PARP4: variants seen among roughly 807,000 people sequenced by gnomAD.
PARP4 encodes the protein poly(ADP-ribose) polymerase family member 4.
A neutral mutation model predicts 187.7 loss-of-function variants in PARP4; 120 were observed. The observed-to-expected ratio is 0.64, with a 90% CI of 0.55 to 0.74. PARP4 has a LOEUF of 0.74. PARP4 is among the 30% of genes least tolerant of loss of function. PARP4 has a pLI of 0.00. For missense variants in PARP4, 1,836 were observed against 2,070.5 expected (o/e 0.89, Z 2.20); for synonymous variants, 654 against 740.9 (o/e 0.88, Z 1.90).
rs182788121 is a variant in PARP4 at position 24,504,720 on chromosome 13, A to G, written c.-1-943T>C. Among the ~76,000 whole-genome samples the G allele has an allele frequency of 3.2e-3, 481 of 151,644 alleles. 1 individual carries two copies. Among genetic ancestry groups the G allele is most frequent in the African/African-American group, 0.011 (467 of 41,316 alleles). On this transcript the variant is annotated intron_variant, in intron 1 of 33. Transcript: ENST00000381989. Reference sequence around the variant, plus strand: ...TTTGTAAAATTTTTTTTTTGAGACAATCTTGCTCTGTCACCCACGCTGGAG... The same window carrying G: ...TTTGTAAAATTTTTTTTTTGAGACAGTCTTGCTCTGTCACCCACGCTGGAG...
At chr13:24,465,052 G>A (rs942612045) in intron 17 of PARP4, among the ~76,000 whole-genome samples, 2 of 152,090 alleles carry the variant, frequency 1.3e-5, no homozygotes, top group African/African-American at 4.8e-5. Context: ...AAACATCACC[G>A]ATCATTAGAG....
intron 22 of PARP4, among the ~76,000 whole-genome samples, chr13:24,453,992 G>C (rs948278961): frequency 6.6e-6 from 1 of 151,690 alleles, no homozygotes; most frequent in African/African-American, 2.4e-5. Flanking sequence ...GGTGAGCACT[G>C]TAATCTCAGC....
chr13:24,498,267 G>T, intron 5 of PARP4, 38 bp from the exon 6 acceptor site: 1 of 1,280,306 alleles, frequency 7.8e-7, no homozygotes, highest in Non-Finnish European at 1.1e-6. Flanking sequence ...CTGCACTCGG[G>T]AAACATCAAA....
intron 1 of PARP4, among the ~76,000 whole-genome samples, chr13:24,507,181 C>G (rs999929303): frequency 2.0e-5 from 3 of 152,240 alleles, no homozygotes; most frequent in East Asian, 1.9e-4. Context: ...TTCCGTCCTG[C>G]GCCTGCAAGC....
chr13:24,503,996 C>G (rs1422867061), intron 1 of PARP4, among the ~76,000 whole-genome samples: 1 of 152,156 alleles, frequency 6.6e-6, no homozygotes, highest in Non-Finnish European at 1.5e-5. Flanking sequence ...TGATATTACA[C>G]CACCAAAAAT....
intron 17 of PARP4, among the ~76,000 whole-genome samples, chr13:24,464,744 T>C (rs1191756666): frequency 6.6e-6 from 1 of 152,030 alleles, no homozygotes; most frequent in Non-Finnish European, 1.5e-5. Flanking sequence ...CAGTCAAAGA[T>C]TTTATGAGGA....
At chr13:24,466,796 CAAAAA>C (rs34197201) in intron 17 of PARP4, among the ~76,000 whole-genome samples, 1 of 90,852 alleles carries the variant, frequency 1.1e-5, no homozygotes. Context: ...GACTCTGTCT[CAAAAA>C]AAAAAAAAAA....
In PARP4 at chr13:24,459,105, G is replaced by GACAT. The variant is rs758433311; in HGVS notation, c.2359_2362dup (p.Ser788TyrfsTer4). 5 of 1,608,564 alleles carry GACAT rather than the reference G, an allele frequency of 3.1e-6. No homozygotes were observed. Among genetic ancestry groups the GACAT allele is most frequent in the Non-Finnish European group, 2.6e-6 (3 of 1,176,284 alleles). On this transcript the variant is annotated frameshift_variant, in exon 20 of 34. Coordinates refer to ENST00000381989, the MANE Select transcript of PARP4 (RefSeq NM_006437.4). LOFTEE classifies it high-confidence loss of function. ...TTCAATCACATACGGCATCTCAATA[G>GACAT]ACATAGTCAAAGAGAAGCTAGCAAA...
chr13:24,434,596 G>C lies in PARP4; in HGVS notation c.4545C>G (p.Val1515=). The change falls in exon 31 of 34, where the codon GTC becomes GTG. Residue 1515 remains valine, a synonymous_variant. Transcript: ENST00000381989. ...CTGTGTCAGAACTTTGAAAAGCAAA[G>C]ACAGGACATCGACTTCCTTCGAGAC... The part of the protein sequence containing the change: ...VGSLEGSRCP[V]FAFQSSDTES... 6.2e-7 allele frequency: 1 copy of C among 1,612,510 alleles called. No individual in the cohort carries two copies. The highest frequency in any genetic ancestry group is 8.5e-7 in the Non-Finnish European group (1 of 1,178,706).
chr13:24,445,974 CAT>C (rs1871188098), intron 27 of PARP4, among the ~76,000 whole-genome samples: 2 of 152,154 alleles, frequency 1.3e-5, no homozygotes, highest in South Asian at 4.1e-4. Flanking sequence ...GGGAAAAACA[CAT>C]ATCTGGAAAC....
At position 24,446,802 on chromosome 13, in the gene PARP4, A is replaced by T. The variant is rs533395400; in HGVS notation, c.3286-41T>A. On this transcript the variant is annotated intron_variant, in intron 26 of 33. Transcript: ENST00000381989. Reference sequence around the variant, plus strand: ...AAATAAATTCCTCATTAGCCTTTCCACTCTGCAGTGTCTTGGTTTAACAGA... The same window carrying T: ...AAATAAATTCCTCATTAGCCTTTCCTCTCTGCAGTGTCTTGGTTTAACAGA... 23 of 1,395,694 alleles carry T rather than the reference A, an allele frequency of 1.6e-5. No individual in the cohort carries two copies. In the South Asian group the frequency reaches 2.2e-4, roughly 14 times the overall value. The allele number at this position is 1,395,694 out of a possible 1,614,324, so 86.5% of individuals were successfully genotyped here. A position where few individuals can be genotyped will look rare whatever the true frequency, so the allele number is the denominator to read the frequency against.
At chr13:24,488,904 C>T (rs1358979599) in intron 10 of PARP4, among the ~76,000 whole-genome samples, 3 of 152,158 alleles carry the variant, frequency 2.0e-5, no homozygotes, top group Non-Finnish European at 2.9e-5. Flanking sequence ...TAAACAGAAT[C>T]GTACAATATG....
At chr13:24,428,803 C>A (rs1238918854) in intron 32 of PARP4, among the ~76,000 whole-genome samples, 1 of 152,168 alleles carries the variant, frequency 6.6e-6, no homozygotes, top group Non-Finnish European at 1.5e-5. Context: ...TTGACTCTGG[C>A]CTATCTAAAT....
chr13:24,507,167 C>T (rs1869754736), intron 1 of PARP4, among the ~76,000 whole-genome samples: 1 of 152,244 alleles, frequency 6.6e-6, no homozygotes. Flanking sequence ...GCGCACAGCC[C>T]CGGTTCCGTC....
chr13:24,505,960 G>C (rs114449688), intron 1 of PARP4, among the ~76,000 whole-genome samples: 4 of 152,232 alleles, frequency 2.6e-5, no homozygotes, highest in African/African-American at 7.2e-5. Context: ...CCTGCACCGC[G>C]ATTGGGCTCC....
At chr13:24,441,162 G>A (rs1400849308) in intron 30 of PARP4, among the ~76,000 whole-genome samples, 1 of 152,112 alleles carries the variant, frequency 6.6e-6, no homozygotes, top group African/African-American at 2.4e-5. Context: ...ATGAGCCACT[G>A]TGCCCGCCCT....
At chr13:24,423,571 A>T (rs1869864917) in intron 33 of PARP4, among the ~76,000 whole-genome samples, 1 of 152,096 alleles carries the variant, frequency 6.6e-6, no homozygotes, top group Admixed American at 6.6e-5. Flanking sequence ...AAAAAAAAAG[A>T]AAACTCCCAA....
intron 31 of PARP4, among the ~76,000 whole-genome samples, chr13:24,432,191 T>C (rs999499575): frequency 2.3e-5 from 3 of 132,872 alleles, no homozygotes; most frequent in African/African-American, 8.0e-5. Context: ...AGCTTGAACA[T>C]TTATCATGTC....
intron 30 of PARP4, among the ~76,000 whole-genome samples, chr13:24,440,322 CA>C (rs1303953563): frequency 6.6e-6 from 1 of 150,388 alleles, no homozygotes; most frequent in East Asian, 2.0e-4. Context: ...TGCTTGAACC[CA>C]GGAGGTAGAG....
Sources: gnomAD v4.1 joint callset for allele counts (sites outside exome capture counted in the v4.1 genomes callset) on GRCh38, gnomAD v4.1.1 for gene constraint, MANE v1.5 for transcripts, NCBI Gene and HGNC (gene_info 2026-07-23, HGNC 2026-07-21) for gene names.